The following RGS7 variants were observed in gnomAD, a reference collection of about 807,000 sequenced individuals.
RGS7 encodes regulator of G-protein signaling 7.
In RGS7, 27 loss-of-function variants were observed where a neutral mutation model predicts 81.1. The observed-to-expected ratio is 0.33, with a 90% CI of 0.25 to 0.46. RGS7 has a LOEUF of 0.46. RGS7 is among the 20% of genes least tolerant of loss of function. The probability of loss-of-function intolerance (pLI) is 1.00; values close to 1 mark genes in which losing one functional copy is unlikely to be tolerated. For missense variants in RGS7, 396 were observed against 607.4 expected (o/e 0.65, Z 3.66); for synonymous variants, 208 against 207.7 (o/e 1.00, Z -0.01).
chr1:241,161,001 T>G (rs2069609247), intron 2 of RGS7, among the ~76,000 whole-genome samples: 2 of 151,990 alleles, frequency 1.3e-5, no homozygotes, highest in African/African-American at 4.8e-5. Flanking sequence ...AGTGATAGTT[T>G]TTTTTGCCAT....
intron 5 of RGS7, among the ~76,000 whole-genome samples, chr1:240,933,506 T>C (rs1053297912): frequency 6.6e-6 from 1 of 152,064 alleles, no homozygotes; most frequent in African/African-American, 2.4e-5. Flanking sequence ...TCTTCACTAA[T>C]ATGGAAGATT....
chr1:241,120,154 A>C (rs1165095990), intron 2 of RGS7, among the ~76,000 whole-genome samples: 1 of 152,124 alleles, frequency 6.6e-6, no homozygotes, highest in Non-Finnish European at 1.5e-5. Context: ...CCCACACTGG[A>C]GTTTTTAATC....
rs528211582 is a variant in RGS7 at position 241,158,199 on chromosome 1, A to G, written c.79-59437T>C. ...ATAGCTGCTTTTGATCCACAATAGCATAGTTGGGAAGTTGTGACAGATACC... is the reference window on the plus strand; with the variant it reads ...ATAGCTGCTTTTGATCCACAATAGCGTAGTTGGGAAGTTGTGACAGATACC... On this transcript the variant is annotated intron_variant, in intron 2 of 18. Coordinates refer to ENST00000440928, the MANE Select transcript of RGS7 (RefSeq NM_001364886.1). Among the ~76,000 whole-genome samples the G allele has an allele frequency of 3.9e-5, 6 of 152,310 alleles. No individual in the cohort carries two copies. The South Asian group carries it at 1.2e-3, about 32-fold the overall frequency.
At chr1:240,904,258 T>G (rs1206771805) in intron 6 of RGS7, among the ~76,000 whole-genome samples, 1 of 152,106 alleles carries the variant, frequency 6.6e-6, no homozygotes, top group African/African-American at 2.4e-5. Context: ...TAAAAGTGAG[T>G]AATATAATAC....
At chr1:240,895,635 G>A (rs1349045908) in intron 6 of RGS7, among the ~76,000 whole-genome samples, 1 of 152,166 alleles carries the variant, frequency 6.6e-6, no homozygotes, top group African/African-American at 2.4e-5. Flanking sequence ...TTTTATGGCT[G>A]CATAGTATTC....
At chr1:241,168,195 G>A (rs1184781211) in intron 2 of RGS7, among the ~76,000 whole-genome samples, 1 of 152,200 alleles carries the variant, frequency 6.6e-6, no homozygotes, top group Non-Finnish European at 1.5e-5. Flanking sequence ...TGAGAAAGAG[G>A]ATGGGGGTAT....
At chr1:241,187,380 T>C (rs936630024) in intron 2 of RGS7, among the ~76,000 whole-genome samples, 1 of 152,156 alleles carries the variant, frequency 6.6e-6, no homozygotes, top group African/African-American at 2.4e-5. Flanking sequence ...CAATGCTACA[T>C]TGCTAGTTAA....
chr1:240,793,611 A>ATATATATATTTT lies in RGS7; in HGVS notation c.*6+7029_*6+7030insAAAATATATATA. Reference sequence around the variant, plus strand: ...AATATATATATATATATATATATATATTTTTTTTTTTTTTTTGAGACAGAG... The same window carrying ATATATATATTTT: ...AATATATATATATATATATATATATATATATATATTTTTTTTTTTTTTTTTTTTGAGACAGAG... On this transcript the variant is annotated intron_variant, in intron 18 of 18. Transcript: ENST00000440928. 2.0e-4 allele frequency among the ~76,000 whole-genome samples: 16 copies of ATATATATATTTT among 78,810 alleles called. No homozygotes were observed. The East Asian group carries it at 4.2e-3, about 21-fold the overall frequency. 51.7% of individuals were successfully genotyped at this position (78,810 alleles called of 152,430 possible). A position where few individuals can be genotyped will look rare whatever the true frequency, so the allele number is the denominator to read the frequency against.
At chr1:241,289,079 G>A (rs2078965335) in intron 2 of RGS7, among the ~76,000 whole-genome samples, 1 of 152,190 alleles carries the variant, frequency 6.6e-6, no homozygotes, top group South Asian at 2.1e-4. Flanking sequence ...TGCAAAGTAA[G>A]TCACGATACT....
At chr1:241,023,927 T>G (rs541282318) in intron 3 of RGS7, among the ~76,000 whole-genome samples, 3 of 152,114 alleles carry the variant, frequency 2.0e-5, no homozygotes, top group Non-Finnish European at 4.4e-5. Context: ...GTATTTTTAG[T>G]AGAGAGGGGT....
rs1001621015 is a variant in RGS7 at position 241,169,793 on chromosome 1, T to C, written c.79-71031A>G. 7.2e-5 allele frequency among the ~76,000 whole-genome samples: 11 copies of C among 152,320 alleles called. No individual in the cohort carries two copies. The East Asian group carries it at 1.3e-3, about 19-fold the overall frequency. ...GAAATTCAATTGTGTTTCATATATG[T>C]ACTTGTTTCTGTGTAAGAAATCGAT... On this transcript the variant is annotated intron_variant, in intron 2 of 18. Coordinates refer to ENST00000440928, the MANE Select transcript of RGS7 (RefSeq NM_001364886.1).
chr1:241,023,375 C>T (rs1219727429), intron 3 of RGS7, among the ~76,000 whole-genome samples: 1 of 152,168 alleles, frequency 6.6e-6, no homozygotes, highest in Non-Finnish European at 1.5e-5. Flanking sequence ...TTTTGTAACC[C>T]AGCACTGTCC....
chr1:241,201,258 G>A (rs576524104), intron 2 of RGS7, among the ~76,000 whole-genome samples: 1 of 152,258 alleles, frequency 6.6e-6, no homozygotes, highest in Admixed American at 6.5e-5. Context: ...TGCTACTCAT[G>A]GATCTAATTT....
At chr1:241,137,242 C>T (rs1224060329) in intron 2 of RGS7, among the ~76,000 whole-genome samples, 4 of 151,942 alleles carry the variant, frequency 2.6e-5, no homozygotes, top group Non-Finnish European at 4.4e-5. Context: ...CTGCTGTGAG[C>T]TCCTTGAGGG....
chr1:241,168,226 C>T (rs1244987544), intron 2 of RGS7, among the ~76,000 whole-genome samples: 1 of 151,704 alleles, frequency 6.6e-6, no homozygotes, highest in Non-Finnish European at 1.5e-5. Flanking sequence ...GAAAATGGCA[C>T]CAGCAAATAT....
intron 18 of RGS7, 63 bp from the exon 19 acceptor site, chr1:240,776,276 T>G: frequency 5.0e-6 from 6 of 1,191,808 alleles, no homozygotes; most frequent in Non-Finnish European, 7.5e-6. Context: ...GAAAACCTGC[T>G]TAGTAGTAGC....
chr1:241,084,813 A>G (rs888114695), intron 3 of RGS7, among the ~76,000 whole-genome samples: 1 of 152,230 alleles, frequency 6.6e-6, no homozygotes, highest in African/African-American at 2.4e-5. Flanking sequence ...ACAGAAACAG[A>G]TGAAACACAG....
intron 6 of RGS7, among the ~76,000 whole-genome samples, chr1:240,925,930 G>A (rs1446181755): frequency 6.6e-6 from 1 of 152,102 alleles, no homozygotes; most frequent in East Asian, 1.9e-4. Context: ...GTCTTTTTTT[G>A]AGAAGTGTCT....
At chr1:241,269,354 G>A (rs188626099) in intron 2 of RGS7, among the ~76,000 whole-genome samples, 1 of 152,322 alleles carries the variant, frequency 6.6e-6, no homozygotes, top group East Asian at 1.9e-4. Flanking sequence ...GAGCATGCCA[G>A]CAAGTAAAAA....
Sources: allele counts gnomAD v4.1 joint callset (sites outside exome capture counted in the v4.1 genomes callset), GRCh38; gene constraint gnomAD v4.1.1; transcripts MANE v1.5; gene names NCBI Gene and HGNC (gene_info 2026-07-23, HGNC 2026-07-21).